The following MSI2 variants were observed in gnomAD, a reference collection of about 807,000 sequenced individuals.
MSI2 encodes the protein musashi RNA binding protein 2.
Under a neutral mutation model 45.6 loss-of-function variants are expected in MSI2, and 17 were observed. That is an observed-to-expected ratio of 0.37 (90% CI 0.26 to 0.56). MSI2 has a LOEUF of 0.56. MSI2 is among the 20% of genes least tolerant of loss of function. The probability of loss-of-function intolerance (pLI) is 0.77; values close to 1 mark genes in which losing one functional copy is unlikely to be tolerated. For synonymous variants in MSI2, 156 were observed against 158.2 expected (o/e 0.99, Z 0.11); for missense variants, 293 against 444.2 (o/e 0.66, Z 3.06).
chr17:57,372,746 C>T (rs1427920961), intron 5 of MSI2, among the ~76,000 whole-genome samples: 5 of 152,150 alleles, frequency 3.3e-5, no homozygotes, highest in African/African-American at 1.2e-4. Flanking sequence ...CCCCTATTCA[C>T]GCTTTAAAGG....
At chr17:57,513,282 A>T (rs58463473) in intron 6 of MSI2, among the ~76,000 whole-genome samples, 8,427 of 152,186 alleles carry the variant, frequency 0.055, 782 homozygotes, top group African/African-American at 0.19. Context: ...CTGAATTAGC[A>T]TCTCTTAATG....
At chr17:57,698,949 GA>G in the MSI2 span, among the ~76,000 whole-genome samples, 9 of 145,192 alleles carry the variant, frequency 6.2e-5, 1 homozygote, top group Non-Finnish European at 9.1e-5. Flanking sequence ...GTGAAGGTGA[GA>G]AAGGTCTTAC....
chr17:57,447,234 G>A (rs1233132194), intron 6 of MSI2, among the ~76,000 whole-genome samples: 1 of 152,078 alleles, frequency 6.6e-6, no homozygotes, highest in African/African-American at 2.4e-5. Context: ...CTATAGGTGT[G>A]TGCTGCCATG....
intron 5 of MSI2, among the ~76,000 whole-genome samples, chr17:57,282,835 C>CTTTTTTTTT (rs564440544): frequency 0.039 from 3,598 of 92,634 alleles, 386 homozygotes; most frequent in East Asian, 0.14. Context: ...GGGGGGCAGA[C>CTTTTTTTTT]TTTTTTTTTT....
chr17:57,450,363 TC>T (rs2084992486), intron 6 of MSI2: 1 of 151,900 alleles, frequency 6.6e-6, no homozygotes, highest in Admixed American at 6.6e-5. Flanking sequence ...GAAGTCACTT[TC>T]CTTAGAAAAA....
At chr17:57,462,451 C>T (rs2085249320) in intron 6 of MSI2, among the ~76,000 whole-genome samples, 2 of 152,220 alleles carry the variant, frequency 1.3e-5, no homozygotes, top group African/African-American at 2.4e-5. Flanking sequence ...GACATCTCAC[C>T]TTGCAGCTTC....
In MSI2 at chr17:57,596,869, G is replaced by T; in HGVS notation, c.456G>T (p.Gly152=). The T allele has an allele frequency of 1.2e-6, 2 of 1,611,142 alleles. No individual in the cohort carries two copies. The highest frequency in any genetic ancestry group is 3.3e-4 in the Middle Eastern group (2 of 6,058). Residue 152 remains glycine (G), a splice_region_variant and synonymous_variant, in exon 8 of 14, where the codon GGG becomes GGT. Coordinates refer to ENST00000284073, the MANE Select transcript of MSI2 (RefSeq NM_138962.4). The surrounding 1 kb of genome is among the most constrained non-coding windows in gnomAD (Gnocchi z 4.6). ...MFDKTTNRHR[G]FGFVTFENED... ...TTTCTTCTCTCTCTTTTCCTTTAGG[G>T]TTTGGCTTTGTCACTTTTGAGAATG...
chr17:57,262,963 T>C (rs2143195124), intron 5 of MSI2, among the ~76,000 whole-genome samples: 1 of 152,368 alleles, frequency 6.6e-6, no homozygotes, highest in East Asian at 1.9e-4. Flanking sequence ...TTTACACTTT[T>C]TAGTTACTAT....
intron 7 of MSI2, among the ~76,000 whole-genome samples, chr17:57,555,797 A>T (rs1270863734): frequency 4.6e-5 from 7 of 152,242 alleles, no homozygotes; most frequent in Non-Finnish European, 7.3e-5. Context: ...ATGGCAACAG[A>T]TGCTGCAGCC....
At chr17:57,590,098 C>A (rs937922474) in intron 7 of MSI2, among the ~76,000 whole-genome samples, 2 of 152,266 alleles carry the variant, frequency 1.3e-5, no homozygotes, top group Admixed American at 1.3e-4. Flanking sequence ...TCATGGGATA[C>A]CCAGAATAAA....
At chr17:57,400,753 A>G (rs755743797) in intron 5 of MSI2, among the ~76,000 whole-genome samples, 1 of 152,072 alleles carries the variant, frequency 6.6e-6, no homozygotes, top group Non-Finnish European at 1.5e-5. Context: ...CCCAAGGAGA[A>G]GGACCTGCAG....
rs141078329 is a variant in MSI2, at chr17:57,366,811, G to A, written c.313-34568G>A. Among the ~76,000 whole-genome samples, 7 of 152,288 alleles carry A rather than the reference G, an allele frequency of 4.6e-5. No individual in the cohort carries two copies. The East Asian group carries it at 5.8e-4, about 13-fold the overall frequency. On this transcript the variant is annotated intron_variant, in intron 5 of 13. Transcript: ENST00000284073. ...GCGTGGGTGGCTTTTGAAATTGCAC[G>A]TAATTTACGGAGGCGAGGATCCTGT...
At position 57,627,457 on chromosome 17, in the gene MSI2, G is replaced by T. The variant is rs1025535162; in HGVS notation, c.727+154G>T. ...AATTTCAAATCCACTGAAGTTCAAG[G>T]CCAGGATGCAGCTCAGAGTTTTTGA... On this transcript the variant is annotated intron_variant, in intron 10 of 13. Coordinates refer to ENST00000284073, the MANE Select transcript of MSI2 (RefSeq NM_138962.4). The surrounding 1 kb of genome is among the most constrained non-coding windows in gnomAD (Gnocchi z 4.6). 3 of 701,680 alleles carry T rather than the reference G, an allele frequency of 4.3e-6. No individual in the cohort carries two copies. Among genetic ancestry groups the T allele is most frequent in the East Asian group, 2.6e-5 (1 of 38,084 alleles). 43.5% of individuals were successfully genotyped at this position (701,680 alleles called of 1,614,324 possible).
rs141246411 is a variant in MSI2 at position 57,486,752 on chromosome 17, A to C, written c.406-42924A>C. Among the ~76,000 whole-genome samples the C allele has an allele frequency of 2.4e-3, 363 of 152,264 alleles. 2 individuals are homozygous for C. The highest frequency in any genetic ancestry group is 8.2e-3 in the African/African-American group (341 of 41,546). On this transcript the variant is annotated intron_variant, in intron 6 of 13. Coordinates refer to ENST00000284073, the MANE Select transcript of MSI2 (RefSeq NM_138962.4). ...GTGGGAAGGAGAATCAGTTTGAAAG[A>C]GCTCTTTTATCTGCACTCCTTAGAC...
At chr17:57,353,165 T>C (rs1916157917) in intron 5 of MSI2, among the ~76,000 whole-genome samples, 1 of 152,176 alleles carries the variant, frequency 6.6e-6, no homozygotes, top group Admixed American at 6.5e-5. Flanking sequence ...AGAAGGACAC[T>C]TTTCATTCCT....
chr17:57,516,397 A>T (rs1377208052), intron 6 of MSI2, among the ~76,000 whole-genome samples: 1 of 152,188 alleles, frequency 6.6e-6, no homozygotes, highest in African/African-American at 2.4e-5. Context: ...TAGGAATGGA[A>T]TGGAATGGTT....
chr17:57,439,068 C>T (rs959967871), intron 6 of MSI2, among the ~76,000 whole-genome samples: 9 of 152,136 alleles, frequency 5.9e-5, no homozygotes, highest in East Asian at 5.8e-4. Flanking sequence ...CCACCATGCC[C>T]GGCCTAGGAA....
chr17:57,541,944 G>A (rs768855471), intron 7 of MSI2, among the ~76,000 whole-genome samples: 3 of 152,056 alleles, frequency 2.0e-5, no homozygotes, highest in Non-Finnish European at 4.4e-5. Context: ...CAAAGCTGGC[G>A]CCTCTGCACC....
intron 5 of MSI2, among the ~76,000 whole-genome samples, chr17:57,268,965 T>C (rs1183802247): frequency 2.6e-5 from 4 of 152,196 alleles, no homozygotes; most frequent in Non-Finnish European, 5.9e-5. Flanking sequence ...TTCTTGTCTT[T>C]AAGAACATCA....
Sources: allele counts gnomAD v4.1 joint callset (sites outside exome capture counted in the v4.1 genomes callset), GRCh38; gene constraint gnomAD v4.1.1; non-coding constraint Gnocchi (gnomAD v3.1); transcripts MANE v1.5; gene names NCBI Gene and HGNC (gene_info 2026-07-23, HGNC 2026-07-21).